The following RPE variants were observed in gnomAD, a reference collection of about 807,000 sequenced individuals.
RPE encodes the protein ribulose-5-phosphate-3-epimerase, also known as ribulose-phosphate 3-epimerase.
A neutral mutation model predicts 24.6 loss-of-function variants in RPE; 16 were observed. That is an observed-to-expected ratio of 0.65 (90% CI 0.44 to 0.99). The LOEUF (loss-of-function observed/expected upper bound fraction) is 0.99, where lower values mean the gene tolerates loss of function less well. Ranked by LOEUF, RPE falls within the 50% of genes least tolerant of loss-of-function variation. The pLI, the probability that RPE is intolerant of heterozygous loss-of-function variation, is 0.00. For synonymous variants in RPE, 93 were observed against 98.4 expected (o/e 0.94, Z 0.33); for missense variants, 240 against 294.5 (o/e 0.81, Z 1.35).
intron 2 of RPE, among the ~76,000 whole-genome samples, chr2:210,012,276 A>G (rs2093710541): frequency 6.6e-6 from 1 of 152,178 alleles, no homozygotes; most frequent in Non-Finnish European, 1.5e-5. Flanking sequence ...TATCAAAACT[A>G]TTTTCATAAT....
chr2:210,010,779 G>A (rs1230446171), intron 2 of RPE, among the ~76,000 whole-genome samples: 2 of 152,028 alleles, frequency 1.3e-5, no homozygotes, highest in Non-Finnish European at 2.9e-5. Flanking sequence ...TTAATCAGGC[G>A]TGGTGGCAAA....
chr2:210,006,224 C>G (rs2093628816), intron 1 of RPE, among the ~76,000 whole-genome samples: 1 of 152,228 alleles, frequency 6.6e-6, no homozygotes, highest in South Asian at 2.1e-4. Context: ...GGTCTGTTAA[C>G]TCCCTCTGGC....
chr2:210,016,497 T>C lies in RPE; in HGVS notation c.343-10T>C, dbSNP rs772566123. ...GTAAATGTGATATAGCATATTTGTG[T>C]CTGTTACAGGTTGGCCTTGCCATCA... On this transcript the variant is annotated splice_polypyrimidine_tract_variant and intron_variant, in intron 3 of 5. Coordinates refer to ENST00000359429, the MANE Select transcript of RPE (RefSeq NM_199229.3). 1.3e-5 allele frequency: 21 copies of C among 1,614,122 alleles called. No individual in the cohort carries two copies. Among genetic ancestry groups the C allele is most frequent in the South Asian group, 2.2e-5 (2 of 91,090 alleles).
intron 2 of RPE, among the ~76,000 whole-genome samples, chr2:210,012,292 G>T (rs182976220): frequency 1.9e-4 from 29 of 152,256 alleles, no homozygotes; most frequent in African/African-American, 5.8e-4. Context: ...ATAATCCTAA[G>T]AAATTATTTG....
chr2:210,002,802 G>A lies in RPE; in HGVS notation c.122+19G>A. ...TGGACGGGTAACTCCTCCGGGCTCC[G>A]GTCGGGCTTGCCGCGCGGCGGGGCG... On this transcript the variant is annotated intron_variant, in intron 1 of 5. Coordinates refer to ENST00000359429, the MANE Select transcript of RPE (RefSeq NM_199229.3). 1 of 1,614,084 alleles carries A rather than the reference G, an allele frequency of 6.2e-7. No individual in the cohort carries two copies.
At chr2:210,015,112 G>C (rs1009459346) in intron 2 of RPE, among the ~76,000 whole-genome samples, 3 of 152,054 alleles carry the variant, frequency 2.0e-5, no homozygotes, top group Admixed American at 6.6e-5. Flanking sequence ...TGGCAGTTCC[G>C]TTCTTCTAGT....
chr2:210,011,338 C>T (rs1260597521), intron 2 of RPE, among the ~76,000 whole-genome samples: 2 of 152,140 alleles, frequency 1.3e-5, no homozygotes, highest in African/African-American at 4.8e-5. Flanking sequence ...ATTGTTTTCT[C>T]CCACTGTACA....
chr2:210,017,785 C>G (rs1272043984), intron 5 of RPE: 1 of 595,006 alleles, frequency 1.7e-6, no homozygotes, highest in African/African-American at 2.1e-5. Context: ...CTCTTTGTGG[C>G]CCAGATTGGA....
At chr2:210,007,984 C>T (rs1252474282) in intron 1 of RPE, among the ~76,000 whole-genome samples, 2 of 152,192 alleles carry the variant, frequency 1.3e-5, no homozygotes. Flanking sequence ...TCTGCAGTGA[C>T]ACACTACTTG....
chr2:210,011,455 A>G (rs1180442240), intron 2 of RPE, among the ~76,000 whole-genome samples: 3 of 151,956 alleles, frequency 2.0e-5, no homozygotes, highest in African/African-American at 7.3e-5. Flanking sequence ...TTGTCACACC[A>G]TACTATTGTC....
intron 1 of RPE, among the ~76,000 whole-genome samples, chr2:210,005,057 C>T (rs538205020): frequency 2.6e-5 from 4 of 152,252 alleles, no homozygotes; most frequent in Admixed American, 1.3e-4. Context: ...AGGAGGAAAC[C>T]AGTGTAGGGA....
intron 2 of RPE, among the ~76,000 whole-genome samples, chr2:210,011,158 A>G (rs772868574): frequency 1.4e-4 from 22 of 152,180 alleles, no homozygotes; most frequent in Non-Finnish European, 2.5e-4. Context: ...TGAGGAAACA[A>G]TGTTCCACCA....
intron 2 of RPE, among the ~76,000 whole-genome samples, chr2:210,009,966 A>G (rs141807122): frequency 2.7e-4 from 41 of 152,304 alleles, no homozygotes; most frequent in African/African-American, 9.9e-4. Flanking sequence ...TTGGGCCTCA[A>G]GTCATTTGTC....
At chr2:210,006,853 A>G (rs972608866) in intron 1 of RPE, among the ~76,000 whole-genome samples, 3 of 152,222 alleles carry the variant, frequency 2.0e-5, no homozygotes, top group African/African-American at 4.8e-5. Context: ...AATGATAGAA[A>G]TTAAACCTCC....
At position 210,022,196 on chromosome 2, in the gene RPE, A is replaced by C. The variant is rs974906931; in HGVS notation, c.*2405A>C. 1 of 152,052 alleles carries C rather than the reference A, an allele frequency of 6.6e-6. No individual in the cohort carries two copies. The highest frequency in any genetic ancestry group is 1.5e-5 in the Non-Finnish European group (1 of 67,952). The allele number at this position is 152,052 out of a possible 1,614,324, so 9.4% of individuals were successfully genotyped here. ...TTTATTTTGTTAGGAGTAAACAGAA[A>C]GTAGCCTGTGTTTAGTCCCAAAGAT... On this transcript the variant is annotated 3_prime_UTR_variant, in exon 6 of 6. Transcript: ENST00000359429.
chr2:210,006,672 A>G (rs1575295851), intron 1 of RPE, among the ~76,000 whole-genome samples: 1 of 152,228 alleles, frequency 6.6e-6, no homozygotes, highest in African/African-American at 2.4e-5. Context: ...CTACACAGCA[A>G]ATTAAAAGAA....
intron 5 of RPE, chr2:210,018,261 T>G: frequency 1.3e-6 from 2 of 1,508,522 alleles, no homozygotes; most frequent in Non-Finnish European, 1.8e-6. Flanking sequence ...CTAATTGACC[T>G]AATTATTACA....
chr2:210,003,468 TGTAA>T (rs1163343460), intron 1 of RPE: 3 of 1,287,518 alleles, frequency 2.3e-6, no homozygotes, highest in Non-Finnish European at 3.0e-6. Context: ...GTCAGTTTTT[TGTAA>T]GTAATTTTTA....
intron 1 of RPE, among the ~76,000 whole-genome samples, chr2:210,003,884 A>G (rs559763984): frequency 5.9e-5 from 9 of 152,216 alleles, no homozygotes; most frequent in Admixed American, 2.0e-4. Context: ...TCTCTTTGGC[A>G]TTTTACCCAG....
Sources: gnomAD v4.1 joint callset for allele counts (sites outside exome capture counted in the v4.1 genomes callset) on GRCh38, gnomAD v4.1.1 for gene constraint, MANE v1.5 for transcripts, NCBI Gene and HGNC (gene_info 2026-07-23, HGNC 2026-07-21) for gene names.